TCF12: variants seen among roughly 807,000 people sequenced by gnomAD.
The protein encoded by TCF12 is DNA-binding protein HTF4.
In TCF12, 45 loss-of-function variants were observed where a neutral mutation model predicts 86.0. That is an observed-to-expected ratio of 0.52 (90% CI 0.41 to 0.67). The LOEUF (loss-of-function observed/expected upper bound fraction) is 0.67. TCF12 is among the 30% of genes least tolerant of loss of function. The pLI is 0.00. For missense variants in TCF12, 881 were observed against 859.9 expected (o/e 1.02, Z -0.31); for synonymous variants, 330 against 299.6 (o/e 1.10, Z -1.05).
In TCF12 at chr15:57,287,687, C is replaced by T. The variant is rs1043357788; in HGVS notation, c.*1542C>T. ...AGCACACAGAGGAAAGGACCCAAATCACTATGTAGCTTAAAGATTTCTGTT... is the reference window on the plus strand; with the variant it reads ...AGCACACAGAGGAAAGGACCCAAATTACTATGTAGCTTAAAGATTTCTGTT... On this transcript the variant is annotated 3_prime_UTR_variant, in exon 21 of 21. Transcript: ENST00000333725. 1 of 152,636 alleles carries T rather than the reference C, an allele frequency of 6.6e-6. No homozygotes were observed. Among genetic ancestry groups the T allele is most frequent in the Non-Finnish European group, 1.5e-5 (1 of 68,042 alleles). The allele number at this position is 152,636 out of a possible 1,614,324, so 9.5% of individuals were successfully genotyped here. A position where few individuals can be genotyped will look rare whatever the true frequency, so the allele number is the denominator to read the frequency against.
chr15:57,210,426 A>G (rs1431460344), intron 8 of TCF12, among the ~76,000 whole-genome samples: 1 of 151,916 alleles, frequency 6.6e-6, no homozygotes, highest in Non-Finnish European at 1.5e-5. Flanking sequence ...CTTTTCAGGG[A>G]GGAAAAGAGA....
At chr15:57,143,610 G>A (rs1315121281) in intron 5 of TCF12, among the ~76,000 whole-genome samples, 2 of 152,156 alleles carry the variant, frequency 1.3e-5, no homozygotes, top group Non-Finnish European at 2.9e-5. Flanking sequence ...TAGGTTTTCT[G>A]ACTGGGGCCC....
intron 3 of TCF12, among the ~76,000 whole-genome samples, chr15:56,987,087 T>C (rs1402437344): frequency 6.6e-6 from 1 of 152,104 alleles, no homozygotes; most frequent in Non-Finnish European, 1.5e-5. Context: ...TAATGCAATA[T>C]TTAGTGAGCT....
rs28491059 is a variant in TCF12 at position 57,024,355 on chromosome 15, A to C, written c.149-39395A>C. Among the ~76,000 whole-genome samples the C allele has an allele frequency of 4.6e-3, 701 of 151,174 alleles. 4 individuals are homozygous for C. Among genetic ancestry groups the C allele is most frequent in the African/African-American group, 0.016 (661 of 41,250 alleles). ...CTGCCTTCTGAGTAGTTGAGATTAC[A>C]GGCGCCCGCCACCAAACCCAACTAA... is the stretch of plus-strand genomic sequence containing the variant. On this transcript the variant is annotated intron_variant, in intron 3 of 20. Coordinates refer to ENST00000333725, the MANE Select transcript of TCF12 (RefSeq NM_207037.2).
At position 57,219,860 on chromosome 15, in the gene TCF12, G is replaced by A. The variant is rs190851247; in HGVS notation, c.580-11292G>A. On this transcript the variant is annotated intron_variant, in intron 8 of 20. Transcript: ENST00000333725. ...CCCGCCTCAGCCTCCCGAGTAGCTG[G>A]GATTACAGGCACCCGCCACCATGCC... Among the ~76,000 whole-genome samples, 3,646 of 151,768 alleles carry A rather than the reference G, an allele frequency of 0.024. 65 individuals carry two copies. Among genetic ancestry groups the A allele is most frequent in the Non-Finnish European group, 0.039 (2,677 of 67,890 alleles).
chr15:57,230,433 C>T (rs1325981407), intron 8 of TCF12, among the ~76,000 whole-genome samples: 1 of 151,840 alleles, frequency 6.6e-6, no homozygotes, highest in African/African-American at 2.4e-5. Flanking sequence ...TTTGGCTGCC[C>T]ATTTAGTTTT....
intron 3 of TCF12, among the ~76,000 whole-genome samples, chr15:56,983,052 A>G (rs575434694): frequency 3.9e-5 from 6 of 152,358 alleles, no homozygotes; most frequent in African/African-American, 1.4e-4. Context: ...GAGAAACAAA[A>G]TATTCTTACA....
chr15:56,947,557 A>T (rs1256540155), intron 3 of TCF12, among the ~76,000 whole-genome samples: 1 of 152,064 alleles, frequency 6.6e-6, no homozygotes, highest in African/African-American at 2.4e-5. Flanking sequence ...GAGTTCACCT[A>T]GTTTCTTTTT....
chr15:57,262,278 A>C, intron 17 of TCF12, 70 bp downstream of exon 17: 124 of 1,100,478 alleles, frequency 1.1e-4, no homozygotes, highest in Non-Finnish European at 1.5e-4. Context: ...CACCTTTCTC[A>C]CAGCTGGATT....
At chr15:57,264,772 C>G (rs1424933939) in intron 18 of TCF12, among the ~76,000 whole-genome samples, 1 of 152,112 alleles carries the variant, frequency 6.6e-6, no homozygotes, top group Admixed American at 6.5e-5. Context: ...TCTTGTCGCC[C>G]AGGCTGGGGT....
At position 56,957,120 on chromosome 15, in the gene TCF12, C is replaced by T. The variant is rs188908046; in HGVS notation, c.148+36022C>T. Among the ~76,000 whole-genome samples, 968 of 152,232 alleles carry T rather than the reference C, an allele frequency of 6.4e-3. 16 individuals carry two copies. Among genetic ancestry groups the T allele is most frequent in the Admixed American group, 0.029 (440 of 15,284 alleles). On this transcript the variant is annotated intron_variant, in intron 3 of 20. Transcript: ENST00000333725. ...ATGATGCTTCCATCATGTTACAATG[C>T]AATAAGAAGGCCCTCGCCAGATTCT...
chr15:57,176,317 C>T (rs117625353), intron 6 of TCF12, among the ~76,000 whole-genome samples: 1 of 152,222 alleles, frequency 6.6e-6, no homozygotes, highest in African/African-American at 2.4e-5. Flanking sequence ...CCAGAAATTA[C>T]TGTTGACACT....
chr15:56,998,000 A>G (rs1360544129), intron 3 of TCF12, among the ~76,000 whole-genome samples: 1 of 152,264 alleles, frequency 6.6e-6, no homozygotes, highest in Non-Finnish European at 1.5e-5. Flanking sequence ...TGATTTGCCA[A>G]TCCTAAATGT....
chr15:57,123,181 C>G (rs2051361889), intron 5 of TCF12, among the ~76,000 whole-genome samples: 1 of 152,128 alleles, frequency 6.6e-6, no homozygotes, highest in Non-Finnish European at 1.5e-5. Flanking sequence ...TTTGCTTTTA[C>G]ATGGCTTTGA....
chr15:57,167,611 G>GAA (rs1191425691), intron 6 of TCF12, among the ~76,000 whole-genome samples: 1 of 151,874 alleles, frequency 6.6e-6, no homozygotes, highest in Non-Finnish European at 1.5e-5. Flanking sequence ...AAGGGAGAAG[G>GAA]AAAGGAAGAA....
chr15:57,263,223 A>T lies in TCF12; in HGVS notation c.1694A>T (p.Asp565Val). 1 of 1,612,524 alleles carries T rather than the reference A, an allele frequency of 6.2e-7. No individual in the cohort carries two copies. Among genetic ancestry groups the T allele is most frequent in the East Asian group, 2.2e-5 (1 of 44,760 alleles). ...EPPSSDDMKS[D>V]DESSQKDIKV... ...CCTTCATCAGATGACATGAAGTCAGATGATGAATCCTCCCAAAAAGATATC... is the reference window on the plus strand; with the variant it reads ...CCTTCATCAGATGACATGAAGTCAGTTGATGAATCCTCCCAAAAAGATATC... Residue 565 changes from aspartate to valine, a missense_variant, in exon 18 of 21, where the codon GAT (aspartate) becomes GTT (valine). By Grantham distance (152) the Asp-to-Val change is radical. Coordinates refer to ENST00000333725, the MANE Select transcript of TCF12 (RefSeq NM_207037.2).
chr15:57,002,056 A>G (rs2064073505), intron 3 of TCF12, among the ~76,000 whole-genome samples: 1 of 152,238 alleles, frequency 6.6e-6, no homozygotes, highest in African/African-American at 2.4e-5. Context: ...CTATGTCCCT[A>G]GTTTTTCTAA....
chr15:57,102,859 C>T (rs991391926), intron 5 of TCF12, among the ~76,000 whole-genome samples: 1 of 152,200 alleles, frequency 6.6e-6, no homozygotes, highest in Non-Finnish European at 1.5e-5. Flanking sequence ...CTGTGTTTCC[C>T]TTAGTTTTCT....
intron 5 of TCF12, among the ~76,000 whole-genome samples, chr15:57,115,731 A>G (rs2050791388): frequency 6.6e-6 from 1 of 152,140 alleles, no homozygotes; most frequent in African/African-American, 2.4e-5. Context: ...CTAGCAGAGA[A>G]GTTTTGTGCG....
Sources: allele counts gnomAD v4.1 joint callset (sites outside exome capture counted in the v4.1 genomes callset), GRCh38; gene constraint gnomAD v4.1.1; transcripts MANE v1.5; gene names NCBI Gene and HGNC (gene_info 2026-07-23, HGNC 2026-07-21).